The following SLCO6A1 variants were observed in gnomAD, a reference collection of about 807,000 sequenced individuals.
SLCO6A1 encodes the protein solute carrier organic anion transporter family member 6A1.
In SLCO6A1, 65 loss-of-function variants were observed where a neutral mutation model predicts 72.7. The ratio of observed to expected loss-of-function variants is 0.89; its 90% CI spans 0.73 to 1.10. The LOEUF is 1.10. SLCO6A1 is among the 50% of genes least tolerant of loss of function. SLCO6A1 has a pLI of 0.00. For synonymous variants in SLCO6A1, 314 were observed against 298.2 expected (o/e 1.05, Z -0.55); for missense variants, 874 against 872.6 (o/e 1.00, Z -0.02).
At chr5:102,393,116 G>A (rs571142238) in intron 10 of SLCO6A1, among the ~76,000 whole-genome samples, 52 of 151,730 alleles carry the variant, frequency 3.4e-4, no homozygotes, top group African/African-American at 9.4e-4. Context: ...AATTTCAAGC[G>A]TATAGCTTCA....
chr5:102,495,464 G>A (rs115793558), intron 1 of SLCO6A1, among the ~76,000 whole-genome samples: 3,509 of 151,932 alleles, frequency 0.023, 134 homozygotes, highest in African/African-American at 0.08. Flanking sequence ...GCACTGTGGC[G>A]GGCACCTGTA....
chr5:102,443,183 C>A lies in SLCO6A1; in HGVS notation c.1132-4422G>T, dbSNP rs564327239. Among the ~76,000 whole-genome samples the A allele has an allele frequency of 2.6e-5, 4 of 152,022 alleles. No homozygotes were observed. In the South Asian group the frequency reaches 6.2e-4, roughly 24 times the overall value. On this transcript the variant is annotated intron_variant, in intron 6 of 13. Transcript: ENST00000506729. The stretch of plus-strand genomic sequence containing the variant: ...CTGCACTCCAAGCCTGGAGACAGAG[C>A]GAGACTCCATCTCAAAAAAAGACGG...
intron 9 of SLCO6A1, among the ~76,000 whole-genome samples, chr5:102,404,977 A>T (rs185633044): frequency 6.6e-6 from 1 of 152,286 alleles, no homozygotes; most frequent in Admixed American, 6.5e-5. Flanking sequence ...ACATACCTCC[A>T]TACACTGGAG....
In SLCO6A1 at chr5:102,420,024, A is replaced by T; in HGVS notation, c.1277-3T>A. Reference sequence around the variant, plus strand: ...ACCTCCTGGAATTAAAACAAGTCCTAAAAAAAAGGAGGAGAAAAACACAGT... The same window carrying T: ...ACCTCCTGGAATTAAAACAAGTCCTTAAAAAAAGGAGGAGAAAAACACAGT... On this transcript the variant is annotated splice_polypyrimidine_tract_variant and splice_region_variant and intron_variant, in intron 7 of 13. Coordinates refer to ENST00000506729, the MANE Select transcript of SLCO6A1 (RefSeq NM_173488.5). 1 of 1,547,654 alleles carries T rather than the reference A, an allele frequency of 6.5e-7. No individual in the cohort carries two copies. The highest frequency in any genetic ancestry group is 8.7e-7 in the Non-Finnish European group (1 of 1,154,204).
rs1341778150 is a variant in SLCO6A1 at position 102,401,671 on chromosome 5, G to A, written c.1627-1929C>T. On this transcript the variant is annotated intron_variant, in intron 9 of 13. Transcript: ENST00000506729. ...GGTCACCAGAAAGAAAAGGTCATATGGGGAAGGACTTCCTAAGAGAAACTA... is the reference window on the plus strand; with the variant it reads ...GGTCACCAGAAAGAAAAGGTCATATAGGGAAGGACTTCCTAAGAGAAACTA... Among the ~76,000 whole-genome samples the A allele has an allele frequency of 1.4e-4, 21 of 152,202 alleles. No homozygotes were observed. In the South Asian group the frequency reaches 4.1e-3, roughly 30 times the overall value.
chr5:102,399,295 T>C (rs7719316), intron 10 of SLCO6A1, among the ~76,000 whole-genome samples: 98,020 of 151,620 alleles, frequency 0.65, 31,920 homozygotes, highest in African/African-American at 0.67. Context: ...ATATTTATAA[T>C]GTTTCTATGT....
At position 102,413,051 on chromosome 5, in the gene SLCO6A1, A is replaced by G. The variant is rs767859096; in HGVS notation, c.1565T>C (p.Ile522Thr). ...IYSSICGRDD[I>T]EYFSPCFAGC... is the part of the protein sequence containing the mutation. The stretch of plus-strand genomic sequence containing the variant: ...TGCAAAGCAGGGAGAAAAATATTCA[A>G]TATCATCTCTTCCACATATAGAAGA... The change falls in exon 9 of 14, where the codon ATT (isoleucine) becomes ACT (threonine). Residue 522 changes from isoleucine (I) to threonine (T), a missense_variant. Coordinates refer to ENST00000506729, the MANE Select transcript of SLCO6A1 (RefSeq NM_173488.5). 3 of 1,572,260 alleles carry G rather than the reference A, an allele frequency of 1.9e-6. No homozygotes were observed. The highest frequency in any genetic ancestry group is 1.3e-5 in the South Asian group (1 of 78,832).
intron 6 of SLCO6A1, among the ~76,000 whole-genome samples, chr5:102,451,829 C>G (rs999935360): frequency 5.3e-5 from 8 of 152,182 alleles, no homozygotes; most frequent in Non-Finnish European, 1.2e-4. Flanking sequence ...ACTCTGTCTC[C>G]TCTCCATGAC....
intron 2 of SLCO6A1, among the ~76,000 whole-genome samples, chr5:102,479,340 T>G (rs1752068651): frequency 6.6e-6 from 1 of 152,164 alleles, no homozygotes; most frequent in African/African-American, 2.4e-5. Flanking sequence ...GCTGCAGAAC[T>G]GTGAGTCAAT....
intron 7 of SLCO6A1, among the ~76,000 whole-genome samples, chr5:102,434,818 T>A (rs1305952439): frequency 6.6e-6 from 1 of 152,130 alleles, no homozygotes; most frequent in Non-Finnish European, 1.5e-5. Context: ...ATTACTATTT[T>A]TTTTTCTTAT....
rs150604285 is a variant in SLCO6A1 at position 102,382,580 on chromosome 5, G to A, written c.2017+6108C>T. On this transcript the variant is annotated intron_variant, in intron 12 of 13. Transcript: ENST00000506729. ...ATCTGTAGGTCACTCTGGGTACTAT[G>A]AACATGTTAACAATTTTAATTCTCC... 5.5e-3 allele frequency among the ~76,000 whole-genome samples: 836 copies of A among 151,372 alleles called. 1 individual carries two copies. Among genetic ancestry groups the A allele is most frequent in the Non-Finnish European group, 8.8e-3 (596 of 67,546 alleles).
chr5:102,460,737 G>T (rs1182740053), intron 4 of SLCO6A1, among the ~76,000 whole-genome samples: 2 of 151,812 alleles, frequency 1.3e-5, no homozygotes, highest in African/African-American at 2.4e-5. Flanking sequence ...CCAAGATCTG[G>T]TGAACAACTT....
Position 102,410,945 on chromosome 5 carries a change from C to A in SLCO6A1, c.1626+2045G>T, listed in dbSNP as rs189685318. 8.1e-3 allele frequency among the ~76,000 whole-genome samples: 1,236 copies of A among 152,050 alleles called. 12 individuals are homozygous for A. Among genetic ancestry groups the A allele is most frequent in the Non-Finnish European group, 0.015 (1,007 of 67,964 alleles). ...TAATGTGGAGCAGAAAGAGAAACAG[C>A]AAAAAGGTAGAGAGTAAACACTTTG... On this transcript the variant is annotated intron_variant, in intron 9 of 13. Transcript: ENST00000506729.
At chr5:102,462,271 T>C (rs1193690718) in intron 4 of SLCO6A1, among the ~76,000 whole-genome samples, 2 of 152,208 alleles carry the variant, frequency 1.3e-5, no homozygotes. Context: ...TCCATGCTCA[T>C]GGATGGATAG....
At chr5:102,467,519 G>T (rs1238683957) in intron 4 of SLCO6A1, among the ~76,000 whole-genome samples, 2 of 152,084 alleles carry the variant, frequency 1.3e-5, no homozygotes, top group Non-Finnish European at 2.9e-5. Context: ...TACGAGTACA[G>T]TATGAGGGAA....
At chr5:102,455,237 G>T (rs1371954194) in intron 6 of SLCO6A1, among the ~76,000 whole-genome samples, 1 of 151,784 alleles carries the variant, frequency 6.6e-6, no homozygotes, top group Non-Finnish European at 1.5e-5. Context: ...GGAATGTGGA[G>T]GACAGAGGGA....
At chr5:102,448,665 G>T (rs1750249178) in intron 6 of SLCO6A1, among the ~76,000 whole-genome samples, 1 of 151,990 alleles carries the variant, frequency 6.6e-6, no homozygotes, top group Non-Finnish European at 1.5e-5. Context: ...TTTAAAGTTG[G>T]TTTCGTCTGA....
chr5:102,438,381 A>G (rs1749659692), intron 7 of SLCO6A1, among the ~76,000 whole-genome samples: 1 of 152,170 alleles, frequency 6.6e-6, no homozygotes, highest in African/African-American at 2.4e-5. Context: ...AAGAGTGATT[A>G]CCTGTGAAAA....
At chr5:102,384,864 T>A (rs1746319289) in intron 12 of SLCO6A1, among the ~76,000 whole-genome samples, 2 of 152,124 alleles carry the variant, frequency 1.3e-5, no homozygotes, top group Non-Finnish European at 2.9e-5. Context: ...AATTCAACAT[T>A]AAGACCTCCC....
Sources: allele counts gnomAD v4.1 joint callset (sites outside exome capture counted in the v4.1 genomes callset), GRCh38; gene constraint gnomAD v4.1.1; transcripts MANE v1.5; gene names NCBI Gene and HGNC (gene_info 2026-07-23, HGNC 2026-07-21).